Variants in GFRAL observed in about 807,000 individuals in gnomAD.
GFRAL encodes GDNF family receptor alpha like.
A neutral mutation model predicts 45.4 loss-of-function variants in GFRAL; 36 were observed. That is an observed-to-expected ratio of 0.79 (90% CI 0.61 to 1.05). GFRAL has a LOEUF of 1.05. GFRAL is among the 50% of genes least tolerant of loss of function. The pLI is 0.00. For missense variants in GFRAL, 507 were observed against 467.5 expected (o/e 1.08, Z -0.78); for synonymous variants, 166 against 154.1 (o/e 1.08, Z -0.57).
chr6:55,371,939 T>G (rs1768457000), intron 6 of GFRAL, among the ~76,000 whole-genome samples: 1 of 152,168 alleles, frequency 6.6e-6, no homozygotes, highest in African/African-American at 2.4e-5. Context: ...CTGGGTTTAT[T>G]GTTTCAATTT....
At chr6:55,393,138 A>AT (rs139937148) in intron 6 of GFRAL, among the ~76,000 whole-genome samples, 36,847 of 152,086 alleles carry the variant, frequency 0.24, 5,359 homozygotes, top group East Asian at 0.35. Flanking sequence ...GCCTGCACAC[A>AT]TTTTATAAAT....
At chr6:55,351,936 G>C (rs1277968205) in intron 5 of GFRAL, among the ~76,000 whole-genome samples, 2 of 151,844 alleles carry the variant, frequency 1.3e-5, no homozygotes, top group Non-Finnish European at 2.9e-5. Context: ...ATTATGTAAG[G>C]CTGTTACAAA....
At chr6:55,369,949 C>G (rs978711109) in intron 6 of GFRAL, among the ~76,000 whole-genome samples, 2 of 152,080 alleles carry the variant, frequency 1.3e-5, no homozygotes, top group African/African-American at 4.8e-5. Context: ...CCTTAATGAT[C>G]CTGATCACAA....
chr6:55,384,453 C>T (rs1276011784), intron 6 of GFRAL, among the ~76,000 whole-genome samples: 1 of 151,522 alleles, frequency 6.6e-6, no homozygotes, highest in East Asian at 1.9e-4. Context: ...GGAAGAATTC[C>T]CATTGGCCCC....
At chr6:55,367,873 C>T (rs1768387507) in intron 6 of GFRAL, among the ~76,000 whole-genome samples, 1 of 151,664 alleles carries the variant, frequency 6.6e-6, no homozygotes, top group South Asian at 2.1e-4. Context: ...CTGCCCTTAA[C>T]ATTTTTTCCT....
At chr6:55,387,553 T>C (rs1489545633) in intron 6 of GFRAL, among the ~76,000 whole-genome samples, 1 of 152,186 alleles carries the variant, frequency 6.6e-6, no homozygotes, top group Non-Finnish European at 1.5e-5. Context: ...CCCTGGCACC[T>C]ACATGCTGGG....
chr6:55,359,186 C>CATCT (rs1554188845), intron 6 of GFRAL, 48 bp downstream of exon 6: 70 of 1,450,052 alleles, frequency 4.8e-5, no homozygotes, highest in Non-Finnish European at 5.7e-5. Flanking sequence ...ATCTATCTAT[C>CATCT]ATCTATCTAT....
At chr6:55,344,561 A>G (rs1194589544) in intron 3 of GFRAL, among the ~76,000 whole-genome samples, 2 of 152,218 alleles carry the variant, frequency 1.3e-5, no homozygotes, top group Non-Finnish European at 2.9e-5. Context: ...AGAGCTATTT[A>G]TGACAAACCC....
intron 3 of GFRAL, among the ~76,000 whole-genome samples, chr6:55,334,515 C>G (rs1171935330): frequency 6.6e-6 from 1 of 152,156 alleles, no homozygotes; most frequent in African/African-American, 2.4e-5. Context: ...TGTGCGAGAT[C>G]AAACAGTTCT....
At chr6:55,369,370 A>G (rs1768417761) in intron 6 of GFRAL, among the ~76,000 whole-genome samples, 1 of 152,062 alleles carries the variant, frequency 6.6e-6, no homozygotes, top group Admixed American at 6.5e-5. Context: ...TGAACCCGGT[A>G]CCTCGGATGG....
chr6:55,342,761 T>C (rs960620190), intron 3 of GFRAL, among the ~76,000 whole-genome samples: 1 of 152,082 alleles, frequency 6.6e-6, no homozygotes, highest in Non-Finnish European at 1.5e-5. Context: ...GACCCATCAG[T>C]GTGCTGTATT....
chr6:55,357,749 G>A (rs1768215664), intron 5 of GFRAL, among the ~76,000 whole-genome samples: 1 of 151,194 alleles, frequency 6.6e-6, no homozygotes, highest in African/African-American at 2.4e-5. Flanking sequence ...CATCATTTTG[G>A]CAAAATTTCA....
At chr6:55,349,240 G>T (rs1768084261) in intron 3 of GFRAL, among the ~76,000 whole-genome samples, 1 of 152,106 alleles carries the variant, frequency 6.6e-6, no homozygotes, top group South Asian at 2.1e-4. Flanking sequence ...ATGTGCACTA[G>T]ACTAGCAGGC....
chr6:55,348,933 T>A (rs11752897), intron 3 of GFRAL, among the ~76,000 whole-genome samples: 1,743 of 152,230 alleles, frequency 0.011, 13 homozygotes, highest in Middle Eastern at 0.037. Context: ...CATAAAAGAA[T>A]GTCCAGCCTA....
intron 3 of GFRAL, among the ~76,000 whole-genome samples, chr6:55,341,303 T>G (rs2127352066): frequency 6.6e-6 from 1 of 152,262 alleles, no homozygotes; most frequent in African/African-American, 2.4e-5. Flanking sequence ...CTCACACAGC[T>G]GGGTACCCCT....
intron 3 of GFRAL, 150 bp from the exon 4 acceptor site, chr6:55,349,942 T>C: frequency 3.1e-6 from 2 of 635,088 alleles, no homozygotes; most frequent in South Asian, 1.7e-5. Context: ...TAATTTTGAA[T>C]ATCAAGGGCT....
chr6:55,365,126 T>C, intron 6 of GFRAL, among the ~76,000 whole-genome samples: 1 of 151,260 alleles, frequency 6.6e-6, no homozygotes. Flanking sequence ...GAGGAGTGGT[T>C]TGTAGTTCTC....
At chr6:55,331,030 G>C (rs1767822195) in intron 1 of GFRAL, among the ~76,000 whole-genome samples, 1 of 152,104 alleles carries the variant, frequency 6.6e-6, no homozygotes, top group Non-Finnish European at 1.5e-5. Context: ...TCCTGTGAAA[G>C]TGTTTCTGAA....
At chr6:55,381,310 C>T (rs10948908) in intron 6 of GFRAL, among the ~76,000 whole-genome samples, 9,743 of 151,908 alleles carry the variant, frequency 0.064, 508 homozygotes, top group African/African-American at 0.14. Flanking sequence ...AGAGCCTTTC[C>T]GTACCTGTTT....
Sources: gnomAD v4.1 joint callset for allele counts (sites outside exome capture counted in the v4.1 genomes callset) on GRCh38, gnomAD v4.1.1 for gene constraint, MANE v1.5 for transcripts, NCBI Gene and HGNC (gene_info 2026-07-23, HGNC 2026-07-21) for gene names.